The following HOMER1 variants were observed in gnomAD, a reference collection of about 807,000 sequenced individuals.
HOMER1 encodes the protein homer protein homolog 1.
A neutral mutation model predicts 48.9 loss-of-function variants in HOMER1; 3 were observed. The ratio of observed to expected loss-of-function variants is 0.06; its 90% CI spans 0.03 to 0.16. HOMER1 has a LOEUF of 0.16. HOMER1 is among the 10% of genes least tolerant of loss of function. The pLI is 1.00. For missense variants in HOMER1, 247 were observed against 411.4 expected (o/e 0.60, Z 3.46); for synonymous variants, 134 against 146.4 (o/e 0.92, Z 0.61).
chr5:79,512,251 A>T (rs1752964279), intron 1 of HOMER1, among the ~76,000 whole-genome samples: 1 of 152,240 alleles, frequency 6.6e-6, no homozygotes, highest in South Asian at 2.1e-4. Flanking sequence ...TTAACGCCCC[A>T]GTAAATCAAT....
rs138221420 is a variant in HOMER1, at chr5:79,475,578, A to G, written c.6-18560T>C. ...CAGAATACCACATGTGATAAAATCT[A>G]GCCAATGTCTAAAGCAAATATGAGA... On this transcript the variant is annotated intron_variant, in intron 1 of 8. Transcript: ENST00000334082. Among the ~76,000 whole-genome samples, 207 of 152,286 alleles carry G rather than the reference A, an allele frequency of 1.4e-3. 1 individual carries two copies. The highest frequency in any genetic ancestry group is 4.2e-3 in the East Asian group (22 of 5,182).
At chr5:79,511,611 T>C (rs933600223) in intron 1 of HOMER1, among the ~76,000 whole-genome samples, 1 of 152,190 alleles carries the variant, frequency 6.6e-6, no homozygotes, top group Non-Finnish European at 1.5e-5. Flanking sequence ...ATGCAAGTTA[T>C]ATATATTCTC....
chr5:79,477,406 T>C (rs1481252095), intron 1 of HOMER1, among the ~76,000 whole-genome samples: 2 of 152,250 alleles, frequency 1.3e-5, no homozygotes, highest in Non-Finnish European at 2.9e-5. Flanking sequence ...TTTCTTTCCA[T>C]GGTAATTTGG....
intron 1 of HOMER1, among the ~76,000 whole-genome samples, chr5:79,497,991 G>A (rs984690309): frequency 3.3e-5 from 5 of 152,140 alleles, no homozygotes; most frequent in African/African-American, 1.2e-4. Flanking sequence ...GTTTCATCAA[G>A]GTCTCGAGGT....
intron 8 of HOMER1, among the ~76,000 whole-genome samples, chr5:79,377,317 T>C (rs1477289227): frequency 2.0e-5 from 3 of 152,052 alleles, no homozygotes; most frequent in African/African-American, 7.2e-5. Context: ...ATAAAGTGAG[T>C]CTAAAAAAAT....
At chr5:79,392,219 A>G (rs1340706569) in intron 8 of HOMER1, among the ~76,000 whole-genome samples, 3 of 152,198 alleles carry the variant, frequency 2.0e-5, no homozygotes, top group African/African-American at 7.2e-5. Context: ...TTAAAAAAAC[A>G]TTAATTATCT....
At chr5:79,440,732 A>C (rs976966948) in intron 4 of HOMER1, among the ~76,000 whole-genome samples, 1 of 152,246 alleles carries the variant, frequency 6.6e-6, no homozygotes, top group African/African-American at 2.4e-5. Context: ...ATCATAAAAT[A>C]ATCATCTCTG....
chr5:79,435,175 T>G (rs1750540102), intron 5 of HOMER1, among the ~76,000 whole-genome samples: 1 of 151,538 alleles, frequency 6.6e-6, no homozygotes, highest in African/African-American at 2.5e-5. Context: ...TAAAGCTAAG[T>G]AACTTTTTAA....
chr5:79,482,359 T>C (rs1026351255), intron 1 of HOMER1, among the ~76,000 whole-genome samples: 2 of 151,656 alleles, frequency 1.3e-5, no homozygotes, highest in African/African-American at 2.4e-5. Context: ...AGAAATGACA[T>C]AGATGATAGA....
intron 1 of HOMER1, among the ~76,000 whole-genome samples, chr5:79,478,825 G>A (rs1440720053): frequency 6.6e-6 from 1 of 152,138 alleles, no homozygotes; most frequent in Non-Finnish European, 1.5e-5. Context: ...GATGGTGGGT[G>A]CCTGTAATCC....
chr5:79,447,239 G>T (rs1371570648), intron 3 of HOMER1, 94 bp from the exon 4 acceptor site: 1 of 739,454 alleles, frequency 1.4e-6, no homozygotes, highest in South Asian at 1.6e-5. Flanking sequence ...CTGAATAACT[G>T]ACTCTACACA....
chr5:79,427,199 G>A (rs1026663974), intron 5 of HOMER1, among the ~76,000 whole-genome samples: 5 of 151,962 alleles, frequency 3.3e-5, no homozygotes, highest in African/African-American at 4.8e-5. Context: ...ATCATCAGCC[G>A]ACATTTATAT....
At chr5:79,384,366 AT>A in intron 8 of HOMER1, among the ~76,000 whole-genome samples, 1 of 152,304 alleles carries the variant, frequency 6.6e-6, no homozygotes, top group Non-Finnish European at 1.5e-5. Context: ...ACGAGAGACT[AT>A]TATGAGGTAT....
At chr5:79,400,405 A>AGTAT (rs1749504171) in intron 6 of HOMER1, among the ~76,000 whole-genome samples, 1 of 146,746 alleles carries the variant, frequency 6.8e-6, no homozygotes, top group South Asian at 2.1e-4. Flanking sequence ...CCCAAGCTGG[A>AGTAT]GTATGCAGTG....
intron 8 of HOMER1, among the ~76,000 whole-genome samples, chr5:79,378,085 T>G (rs1017743857): frequency 7.9e-5 from 12 of 151,928 alleles, no homozygotes; most frequent in Non-Finnish European, 1.2e-4. Flanking sequence ...CCAGGCGTGG[T>G]GGCAGGCACC....
intron 1 of HOMER1, among the ~76,000 whole-genome samples, chr5:79,466,784 T>A (rs900157791): frequency 4.6e-5 from 7 of 151,982 alleles, no homozygotes; most frequent in African/African-American, 1.7e-4. Context: ...CCAATAGACA[T>A]CCAGTTCTTA....
intron 1 of HOMER1, among the ~76,000 whole-genome samples, chr5:79,457,557 T>C (rs1751206630): frequency 6.6e-6 from 1 of 152,214 alleles, no homozygotes; most frequent in Non-Finnish European, 1.5e-5. Flanking sequence ...GCAAGAAGGC[T>C]GTGATGTGGA....
intron 1 of HOMER1, among the ~76,000 whole-genome samples, chr5:79,482,727 G>T (rs57342636): frequency 2.8e-4 from 43 of 152,172 alleles, no homozygotes; most frequent in African/African-American, 1.0e-3. Flanking sequence ...GGGCCAGGTG[G>T]TAGCTCATAC....
At chr5:79,448,637 A>G (rs1442162854) in intron 3 of HOMER1, among the ~76,000 whole-genome samples, 1 of 152,188 alleles carries the variant, frequency 6.6e-6, no homozygotes, top group Non-Finnish European at 1.5e-5. Context: ...TGACTTACTC[A>G]TGGCTTTTAA....
Sources: allele counts gnomAD v4.1 joint callset (sites outside exome capture counted in the v4.1 genomes callset), GRCh38; gene constraint gnomAD v4.1.1; transcripts MANE v1.5; gene names NCBI Gene and HGNC (gene_info 2026-07-23, HGNC 2026-07-21).